Variants in ESYT2 observed in about 807,000 individuals in gnomAD.
ESYT2 encodes the protein extended synaptotagmin 2, also known as extended synaptotagmin-2.
ESYT2 carries 54 observed loss-of-function variants against 107.2 expected under a neutral mutation model. The ratio of observed to expected loss-of-function variants is 0.50; its 90% CI spans 0.40 to 0.63. The LOEUF (loss-of-function observed/expected upper bound fraction) is 0.63. ESYT2 is among the 30% of genes least tolerant of loss of function. The pLI is 0.00. For missense variants in ESYT2, 1,020 were observed against 1,094.5 expected, an observed-to-expected ratio of 0.93 and a Z score of 0.96; for synonymous variants, 491 against 434.1, an observed-to-expected ratio of 1.13 and a Z score of -1.63.
chr7:158,769,726 T>C (rs1563640014), intron 7 of ESYT2, among the ~76,000 whole-genome samples: 1 of 152,216 alleles, frequency 6.6e-6, no homozygotes, highest in Non-Finnish European at 1.5e-5. Context: ...TAGAGCCGCT[T>C]ATTAAAACAC....
chr7:158,793,789 C>T (rs1584859368), intron 3 of ESYT2, 63 bp from the exon 4 acceptor site: 1 of 1,264,892 alleles, frequency 7.9e-7, no homozygotes, highest in Admixed American at 2.0e-5. Context: ...AACCGTGTAA[C>T]ATACCATAGA....
intron 9 of ESYT2, among the ~76,000 whole-genome samples, chr7:158,763,498 T>A (rs1838049005): frequency 6.6e-6 from 1 of 152,182 alleles, no homozygotes; most frequent in African/African-American, 2.4e-5. Flanking sequence ...TTTCACCATG[T>A]TGGCCAGGCT....
chr7:158,780,225 C>A (rs1838725120), intron 6 of ESYT2, among the ~76,000 whole-genome samples: 2 of 152,192 alleles, frequency 1.3e-5, no homozygotes, highest in South Asian at 4.1e-4. Context: ...AGGACTAAGT[C>A]AGACAATGCA....
intron 1 of ESYT2, among the ~76,000 whole-genome samples, chr7:158,825,933 C>T (rs996619280): frequency 6.6e-6 from 1 of 151,770 alleles, no homozygotes; most frequent in Non-Finnish European, 1.5e-5. Flanking sequence ...ACCTGTAATC[C>T]CCACACTTTA....
At chr7:158,821,495 T>G (rs1380352158) in intron 1 of ESYT2, among the ~76,000 whole-genome samples, 2 of 152,226 alleles carry the variant, frequency 1.3e-5, no homozygotes, top group African/African-American at 4.8e-5. Context: ...AGCTTAGATC[T>G]GAACACATCA....
In ESYT2 at chr7:158,734,907, G is replaced by A. The variant is rs563039567; in HGVS notation, c.2506-436C>T. ...AATATGGACTCTCCCTTTTCTGAAG[G>A]CTCTTACTTTTTCAATCTTTTCTAC... On this transcript the variant is annotated intron_variant, in intron 21 of 22. Coordinates refer to ENST00000275418, the MANE Select transcript of ESYT2 (RefSeq NM_001367773.1). 3.9e-5 allele frequency among the ~76,000 whole-genome samples: 6 copies of A among 152,240 alleles called. No homozygotes were observed. The East Asian group carries it at 1.2e-3, about 29-fold the overall frequency.
Position 158,741,660 on chromosome 7 carries a change from G to A in ESYT2, c.2031C>T (p.Asp677=). The part of the protein sequence containing the change: ...PPEAGPQGLH[D]LGRSSSSLLA... ...GGAGGCTGGAGGAGCTTCTGCCCAG[G>A]TCGTGCAGCCCCTGAGGGCCGGCCT... The change falls in exon 18 of 23, where the codon GAC becomes GAT. Residue 677 remains aspartate, a synonymous_variant. Transcript: ENST00000275418. 6.2e-6 allele frequency: 10 copies of A among 1,613,882 alleles called. No individual in the cohort carries two copies. The highest frequency in any genetic ancestry group is 1.7e-4 in the Middle Eastern group (1 of 6,060).
chr7:158,773,420 A>G, intron 6 of ESYT2, 24 bp from the exon 7 acceptor site: 1 of 1,613,012 alleles, frequency 6.2e-7, no homozygotes, highest in Non-Finnish European at 8.5e-7. Flanking sequence ...AGGGCAAAAT[A>G]TTAAGTTCCA....
chr7:158,828,629 G>A (rs1032818089), intron 1 of ESYT2, among the ~76,000 whole-genome samples: 1 of 152,246 alleles, frequency 6.6e-6, no homozygotes, highest in African/African-American at 2.4e-5. Context: ...GGCGGGCGGG[G>A]AAGCGGAGAA....
intron 6 of ESYT2, among the ~76,000 whole-genome samples, chr7:158,782,537 A>AAATAG (rs1554587000): frequency 7.0e-6 from 1 of 143,172 alleles, no homozygotes; most frequent in Non-Finnish European, 1.6e-5. Context: ...GAGTGTAAGA[A>AAATAG]AATGAGTGTG....
chr7:158,793,725 G>A lies in ESYT2; in HGVS notation c.509C>T (p.Pro170Leu), dbSNP rs1839377068. ...TACCTTAACACCATTGATCCTGAGGGGCTGAAATAAGAAGTAGCTTATTTT... is the reference window on the plus strand; with the variant it reads ...TACCTTAACACCATTGATCCTGAGGAGCTGAAATAAGAAGTAGCTTATTTT... ...SFTKVDVGQQ[P>L]LRINGVKVYT... is the part of the protein sequence containing the mutation. The change falls in exon 4 of 23, where the codon CCC becomes CTC. Residue 170 changes from proline to leucine, a missense_variant and splice_region_variant. Pro to Leu is a moderately conservative substitution (Grantham distance 98). Transcript: ENST00000275418. 1 of 1,611,678 alleles carries A rather than the reference G, an allele frequency of 6.2e-7. No homozygotes were observed. The highest frequency in any genetic ancestry group is 8.5e-7 in the Non-Finnish European group (1 of 1,179,140).
intron 8 of ESYT2, 82 bp downstream of exon 8, chr7:158,767,572 T>G: frequency 6.5e-7 from 1 of 1,535,250 alleles, no homozygotes; most frequent in African/African-American, 1.4e-5. Flanking sequence ...AGACAAAGAG[T>G]CACAGCACCC....
rs934543376 is a variant in ESYT2, at chr7:158,829,092, G to A, written c.327C>T (p.Ala109=). ...ACGGGCAGGGGTCTGCACTCACCCA[G>A]GCGGGCAGGTCGCAGGCGCGCACCC... ...RLGVRACDLP[A]WVHFPDTERA... is the part of the protein sequence containing the mutation. Residue 109 remains alanine, a synonymous_variant, in exon 1 of 23, where the codon GCC becomes GCT. Transcript: ENST00000275418. 4 of 1,583,854 alleles carry A rather than the reference G, an allele frequency of 2.5e-6. No individual in the cohort carries two copies. In the Admixed American group the frequency reaches 5.1e-5, roughly 20 times the overall value.
chr7:158,812,714 T>C (rs572062813), intron 1 of ESYT2, among the ~76,000 whole-genome samples: 2 of 152,322 alleles, frequency 1.3e-5, no homozygotes, highest in South Asian at 4.1e-4. Context: ...TGTGGATGAA[T>C]GGATAATCAA....
chr7:158,825,328 A>T (rs1330727201), intron 1 of ESYT2, among the ~76,000 whole-genome samples: 5 of 152,072 alleles, frequency 3.3e-5, no homozygotes, highest in Admixed American at 3.3e-4. Flanking sequence ...TAAATAAATA[A>T]ATCTTCTCTT....
intron 13 of ESYT2, among the ~76,000 whole-genome samples, chr7:158,758,957 A>T (rs1317274061): frequency 6.6e-6 from 1 of 152,228 alleles, no homozygotes; most frequent in Non-Finnish European, 1.5e-5. Flanking sequence ...TGTATCTGGC[A>T]GTAGGTCATT....
intron 10 of ESYT2, among the ~76,000 whole-genome samples, chr7:158,761,959 C>T (rs560697244): frequency 6.6e-6 from 1 of 152,316 alleles, no homozygotes; most frequent in South Asian, 2.1e-4. Flanking sequence ...CTCACAACTC[C>T]AGTAGGGTTG....
intron 1 of ESYT2, among the ~76,000 whole-genome samples, chr7:158,825,341 T>C (rs1411749151): frequency 6.6e-6 from 1 of 152,164 alleles, no homozygotes; most frequent in African/African-American, 2.4e-5. Context: ...CTTCTCTTCT[T>C]CACCCAGGGT....
At chr7:158,778,313 G>T (rs1027273974) in intron 6 of ESYT2, among the ~76,000 whole-genome samples, 4 of 152,098 alleles carry the variant, frequency 2.6e-5, no homozygotes, top group Non-Finnish European at 5.9e-5. Flanking sequence ...TTTTGGACTT[G>T]TTAAAATATT....
Sources: gnomAD v4.1 joint callset for allele counts (sites outside exome capture counted in the v4.1 genomes callset) on GRCh38, gnomAD v4.1.1 for gene constraint, MANE v1.5 for transcripts, NCBI Gene and HGNC (gene_info 2026-07-23, HGNC 2026-07-21) for gene names.